Variants in MR1 observed in about 807,000 individuals in gnomAD.
MR1 encodes major histocompatibility complex class I-related protein 1.
A neutral mutation model predicts 37.8 loss-of-function variants in MR1; 44 were observed. That is an observed-to-expected ratio of 1.16 (90% CI 0.91 to 1.50). The LOEUF (loss-of-function observed/expected upper bound fraction) is 1.50, where lower values mean the gene tolerates loss of function less well. MR1 is among the 40% of genes most tolerant of loss of function. The pLI, the probability that MR1 is intolerant of heterozygous loss-of-function variation, is 0.00. For synonymous variants in MR1, 153 were observed against 155.8 expected (o/e 0.98, Z 0.13); for missense variants, 386 against 419.1 (o/e 0.92, Z 0.69).
At chr1:181,045,034 G>A (rs1355889607) in intron 1 of MR1, among the ~76,000 whole-genome samples, 1 of 152,136 alleles carries the variant, frequency 6.6e-6, no homozygotes, top group Non-Finnish European at 1.5e-5. Flanking sequence ...CATACAAAGG[G>A]CAATCTCTCA....
In MR1 at chr1:181,054,551, C is replaced by G. The variant is rs1658499606; in HGVS notation, c.986-674C>G. Among the ~76,000 whole-genome samples, 3 of 152,254 alleles carry G rather than the reference C, an allele frequency of 2.0e-5. No individual in the cohort carries two copies. In the South Asian group the frequency reaches 6.2e-4, roughly 32 times the overall value. ...GATCAAAGTAAAACCAACCCTTTTA[C>G]TAGAAAATCAGCTCAGAGGCCGGGC... On this transcript the variant is annotated intron_variant, in intron 5 of 5. Transcript: ENST00000367580.
At chr1:181,042,490 C>T (rs1023728682) in intron 1 of MR1, among the ~76,000 whole-genome samples, 2 of 137,366 alleles carry the variant, frequency 1.5e-5, no homozygotes, top group Non-Finnish European at 3.1e-5. Flanking sequence ...CGTGAGCCAC[C>T]GCGCCCGGCC....
intron 1 of MR1, among the ~76,000 whole-genome samples, chr1:181,041,874 T>G (rs1175123352): frequency 6.6e-6 from 1 of 152,216 alleles, no homozygotes. Flanking sequence ...TTCCCCCGAC[T>G]AGGGTGTAGA....
chr1:181,050,619 T>G (rs1290151256), intron 3 of MR1: 3 of 330,736 alleles, frequency 9.1e-6, no homozygotes, highest in Non-Finnish European at 1.7e-5. Flanking sequence ...AACTGTTTAG[T>G]TAACAAAGGG....
chr1:181,044,265 A>T (rs1277610461), intron 1 of MR1, among the ~76,000 whole-genome samples: 1 of 152,092 alleles, frequency 6.6e-6, no homozygotes, highest in African/African-American at 2.4e-5. Context: ...GCCCGGCCTG[A>T]TCTTTTTTCT....
chr1:181,046,698 T>C (rs559246610), intron 1 of MR1, among the ~76,000 whole-genome samples: 7 of 152,242 alleles, frequency 4.6e-5, no homozygotes, highest in African/African-American at 1.7e-4. Context: ...GAAGCTTTGT[T>C]GTTTCGCTCT....
At chr1:181,038,415 A>G (rs968686667) in intron 1 of MR1, among the ~76,000 whole-genome samples, 2 of 152,218 alleles carry the variant, frequency 1.3e-5, no homozygotes, top group Non-Finnish European at 2.9e-5. Flanking sequence ...GATGCTCGAA[A>G]TTCTAAAGAG....
intron 5 of MR1, 143 bp downstream of exon 5, chr1:181,053,820 C>A: frequency 6.3e-6 from 4 of 631,684 alleles, no homozygotes; most frequent in South Asian, 5.9e-5. Context: ...TGGGACAACC[C>A]TCCCACCATG....
chr1:181,055,374 C>A lies in MR1; in HGVS notation c.*109C>A, dbSNP rs1453694819. ...AGGTCCTGACGACACCCACAACATA[C>A]ATGAGAGTAATGGGATTGAGCATTT... is the stretch of plus-strand genomic sequence containing the variant. On this transcript the variant is annotated 3_prime_UTR_variant, in exon 6 of 6. Transcript: ENST00000367580. 5.3e-6 allele frequency: 5 copies of A among 949,032 alleles called. No homozygotes were observed. In the Admixed American group the frequency reaches 6.2e-5, roughly 12 times the overall value. 58.8% of individuals were successfully genotyped at this position (949,032 alleles called of 1,614,324 possible).
intron 1 of MR1, among the ~76,000 whole-genome samples, chr1:181,039,512 G>C (rs923335787): frequency 2.0e-5 from 3 of 152,136 alleles, no homozygotes; most frequent in African/African-American, 7.2e-5. Flanking sequence ...TATTTGATTT[G>C]TTCTTCTCTT....
chr1:181,035,989 G>A (rs1415183432), intron 1 of MR1, among the ~76,000 whole-genome samples: 1 of 152,060 alleles, frequency 6.6e-6, no homozygotes, highest in East Asian at 1.9e-4. Context: ...CTGCTAGACT[G>A]CATCACCTAG....
Position 181,056,995 on chromosome 1 carries a change from C to G in MR1, c.*1730C>G, listed in dbSNP as rs1414156824. On this transcript the variant is annotated 3_prime_UTR_variant, in exon 6 of 6. Coordinates refer to ENST00000367580, the MANE Select transcript of MR1 (RefSeq NM_001385161.1). Reference sequence around the variant, plus strand: ...ATTAGCTGGGCATGGTGGCATGTGCCTATAGTCCCAGCTACTTGGGAGGCT... The same window carrying G: ...ATTAGCTGGGCATGGTGGCATGTGCGTATAGTCCCAGCTACTTGGGAGGCT... The G allele has an allele frequency of 6.6e-6, 1 of 152,264 alleles. No homozygotes were observed. The highest frequency in any genetic ancestry group is 2.4e-5 in the African/African-American group (1 of 41,418). 9.4% of individuals were successfully genotyped at this position (152,264 alleles called of 1,614,324 possible). A position where few individuals can be genotyped will look rare whatever the true frequency, so the allele number is the denominator to read the frequency against.
In MR1 at chr1:181,060,446, A is replaced by C. The variant is rs1002478271; in HGVS notation, c.*5181A>C. ...CTGTAGGTTCCCTCAATCCACCAAA[A>C]TTTTTTGGCTCCACTGGATTATCTA... On this transcript the variant is annotated 3_prime_UTR_variant, in exon 6 of 6. Transcript: ENST00000367580. 2 of 152,104 alleles carry C rather than the reference A, an allele frequency of 1.3e-5. No individual in the cohort carries two copies. Among genetic ancestry groups the C allele is most frequent in the African/African-American group, 4.8e-5 (2 of 41,420 alleles). 9.4% of individuals were successfully genotyped at this position (152,104 alleles called of 1,614,324 possible).
rs571951099 is a variant in MR1 at position 181,058,815 on chromosome 1, G to A, written c.*3550G>A. 1 of 152,358 alleles carries A rather than the reference G, an allele frequency of 6.6e-6. No homozygotes were observed. The highest frequency in any genetic ancestry group is 2.1e-4 in the South Asian group (1 of 4,822). The allele number at this position is 152,358 out of a possible 1,614,324, so 9.4% of individuals were successfully genotyped here. ...ATCAGATGGATATATAAAGTGGAGTGCCAATGTATTAATTTACTGTGAGAA... is the reference window on the plus strand; with the variant it reads ...ATCAGATGGATATATAAAGTGGAGTACCAATGTATTAATTTACTGTGAGAA... On this transcript the variant is annotated 3_prime_UTR_variant, in exon 6 of 6. Coordinates refer to ENST00000367580, the MANE Select transcript of MR1 (RefSeq NM_001385161.1).
Position 181,050,184 on chromosome 1 carries a change from A to AAGCAGGCATGGGAGGCCC in MR1, c.503_504insGCAGGCATGGGAGGCCCA (p.Asn168delinsLysGlnAlaTrpGluAlaHis). 1 of 1,614,226 alleles carries AAGCAGGCATGGGAGGCCC rather than the reference A, an allele frequency of 6.2e-7. No homozygotes were observed. Reference sequence around the variant, plus strand: ...CACCATCAAGCAGGCATGGGAGGCCAATCAGCATGAGTTGCTGTATCAAAA... The same window carrying AAGCAGGCATGGGAGGCCC: ...CACCATCAAGCAGGCATGGGAGGCCAAGCAGGCATGGGAGGCCCATCAGCATGAGTTGCTGTATCAAAA... On this transcript the variant is annotated protein_altering_variant, in exon 3 of 6. Transcript: ENST00000367580.
rs1253738828 is a variant in MR1, at chr1:181,053,679, T to A, written c.985+2T>A. ...TAGTCTGGAGAAGAAGGCCCCGAGG[T>A]GAGAGGCACATGGAAGGGATCCAGG... On this transcript the variant is annotated splice_donor_variant, in intron 5 of 5. Coordinates refer to ENST00000367580, the MANE Select transcript of MR1 (RefSeq NM_001385161.1). LOFTEE classifies it high-confidence loss of function. 23 of 1,603,878 alleles carry A rather than the reference T, an allele frequency of 1.4e-5. No individual in the cohort carries two copies. Among genetic ancestry groups the A allele is most frequent in the Non-Finnish European group, 2.0e-5 (23 of 1,171,030 alleles).
intron 1 of MR1, among the ~76,000 whole-genome samples, chr1:181,035,309 C>G (rs1242409425): frequency 6.6e-6 from 1 of 151,980 alleles, no homozygotes; most frequent in Non-Finnish European, 1.5e-5. Flanking sequence ...TGCACTCTAG[C>G]CTGGGTGACA....
chr1:181,045,403 G>C (rs1657795540), intron 1 of MR1, among the ~76,000 whole-genome samples: 1 of 151,996 alleles, frequency 6.6e-6, no homozygotes, highest in South Asian at 2.1e-4. Context: ...CCCAGGCATC[G>C]CCTCTGCCCG....
chr1:181,052,656 C>A, intron 4 of MR1, 146 bp downstream of exon 4: 1 of 907,704 alleles, frequency 1.1e-6, no homozygotes, highest in Non-Finnish European at 1.6e-6. Context: ...GTGGTTCTCA[C>A]ACTTTTTGGA....
Sources: gnomAD v4.1 joint callset for allele counts (sites outside exome capture counted in the v4.1 genomes callset) on GRCh38, gnomAD v4.1.1 for gene constraint, MANE v1.5 for transcripts, NCBI Gene and HGNC (gene_info 2026-07-23, HGNC 2026-07-21) for gene names.